The following GRID1 variants were observed in gnomAD, a reference collection of about 807,000 sequenced individuals.
GRID1 encodes the protein glutamate receptor ionotropic, delta-1.
GRID1 carries 28 observed loss-of-function variants against 98.0 expected under a neutral mutation model. The observed-to-expected ratio is 0.29, with a 90% CI of 0.21 to 0.39. The LOEUF is 0.39. Ranked by LOEUF, GRID1 falls within the 10% of genes least tolerant of loss-of-function variation. The pLI, the probability that GRID1 is intolerant of heterozygous loss-of-function variation, is 1.00. For synonymous variants in GRID1, 553 were observed against 538.5 expected, an observed-to-expected ratio of 1.03 and a Z score of -0.37; for missense variants, 1,111 against 1,340.5, an observed-to-expected ratio of 0.83 and a Z score of 2.67.
At chr10:85,617,519 G>C (rs938726523) in intron 14 of GRID1, among the ~76,000 whole-genome samples, 2 of 152,036 alleles carry the variant, frequency 1.3e-5, no homozygotes, top group African/African-American at 4.8e-5. Context: ...ACTGCACCCA[G>C]CCCAACAGAA....
chr10:85,627,641 G>A (rs942185804), intron 13 of GRID1, among the ~76,000 whole-genome samples: 2 of 152,066 alleles, frequency 1.3e-5, no homozygotes, highest in African/African-American at 2.4e-5. Context: ...TACGGATATC[G>A]AGGCTCGGCC....
At chr10:85,627,780 C>T (rs1842928710) in intron 13 of GRID1, among the ~76,000 whole-genome samples, 1 of 152,164 alleles carries the variant, frequency 6.6e-6, no homozygotes, top group African/African-American at 2.4e-5. Context: ...GGGAAATTCC[C>T]GAAGGCAAAA....
At chr10:85,894,306 T>C (rs1302188811) in intron 5 of GRID1, among the ~76,000 whole-genome samples, 4 of 152,210 alleles carry the variant, frequency 2.6e-5, no homozygotes, top group African/African-American at 7.2e-5. Flanking sequence ...TCATATCATA[T>C]GCAAAAATTA....
chr10:86,337,749 C>T (rs1848246507), intron 2 of GRID1, among the ~76,000 whole-genome samples: 2 of 145,692 alleles, frequency 1.4e-5, no homozygotes, highest in Admixed American at 6.8e-5. Context: ...GCTCTATCCC[C>T]CAGGCTGGAG....
intron 12 of GRID1, chr10:85,650,183 G>T (rs1199666610): frequency 6.6e-6 from 1 of 152,188 alleles, no homozygotes; most frequent in East Asian, 1.9e-4. Context: ...AGGAGAATGG[G>T]GACAGCCAGG....
chr10:86,113,269 G>A (rs533075600), intron 4 of GRID1, among the ~76,000 whole-genome samples: 6 of 152,162 alleles, frequency 3.9e-5, no homozygotes, highest in African/African-American at 1.4e-4. Context: ...ATAACCCCAG[G>A]TGGCATTCTC....
chr10:85,707,597 C>G (rs1267107753), intron 12 of GRID1, among the ~76,000 whole-genome samples: 1 of 152,144 alleles, frequency 6.6e-6, no homozygotes, highest in African/African-American at 2.4e-5. Flanking sequence ...ATTTGACCCA[C>G]CTATCCCATT....
intron 8 of GRID1, among the ~76,000 whole-genome samples, chr10:85,837,911 A>G (rs1291797640): frequency 6.6e-6 from 1 of 152,234 alleles, no homozygotes; most frequent in Admixed American, 6.5e-5. Context: ...GAAGGTAAAA[A>G]TCATGATAAT....
intron 8 of GRID1, among the ~76,000 whole-genome samples, chr10:85,782,257 C>G (rs1333619223): frequency 1.3e-5 from 2 of 150,274 alleles, no homozygotes; most frequent in Non-Finnish European, 2.9e-5. Context: ...CGCACTTACA[C>G]AGTAATCAGA....
chr10:86,288,112 G>A (rs931148800), intron 2 of GRID1, among the ~76,000 whole-genome samples: 5 of 152,168 alleles, frequency 3.3e-5, no homozygotes, highest in Non-Finnish European at 7.3e-5. Context: ...CTGAGTCTAT[G>A]GGCACAAAGT....
At chr10:86,209,768 G>C (rs191960492) in intron 2 of GRID1, among the ~76,000 whole-genome samples, 2 of 152,070 alleles carry the variant, frequency 1.3e-5, no homozygotes, top group Non-Finnish European at 2.9e-5. Flanking sequence ...GGACTCCCAC[G>C]GAGAGTCCTC....
At chr10:86,349,047 G>A (rs1848428296) in intron 2 of GRID1, among the ~76,000 whole-genome samples, 1 of 152,226 alleles carries the variant, frequency 6.6e-6, no homozygotes, top group South Asian at 2.1e-4. Context: ...GACAGGCAAT[G>A]GTCAGCAGCT....
chr10:86,292,430 C>T (rs1207310197), intron 2 of GRID1, among the ~76,000 whole-genome samples: 1 of 152,260 alleles, frequency 6.6e-6, no homozygotes, highest in Non-Finnish European at 1.5e-5. Context: ...GAAGCATCAC[C>T]ATGCCGGGAA....
chr10:85,985,583 A>T (rs1250912192), intron 4 of GRID1, among the ~76,000 whole-genome samples: 1,643 of 152,286 alleles, frequency 0.011, no homozygotes, highest in African/African-American at 0.038. Flanking sequence ...ATGCAGCAAG[A>T]ACCTACATCT....
chr10:85,782,905 C>T (rs1842393497), intron 8 of GRID1, among the ~76,000 whole-genome samples: 1 of 152,138 alleles, frequency 6.6e-6, no homozygotes, highest in Non-Finnish European at 1.5e-5. Flanking sequence ...ATAAAAGACA[C>T]ACATTGACAT....
intron 12 of GRID1, among the ~76,000 whole-genome samples, chr10:85,679,416 G>T (rs542192469): frequency 1.3e-5 from 2 of 152,324 alleles, no homozygotes; most frequent in East Asian, 3.9e-4. Context: ...GACTTTGAAG[G>T]CTCTGAGTTT....
intron 2 of GRID1, among the ~76,000 whole-genome samples, chr10:86,226,775 G>C (rs887929742): frequency 6.6e-6 from 1 of 150,720 alleles, no homozygotes; most frequent in Non-Finnish European, 1.5e-5. Context: ...TCCCAGCAGA[G>C]AGGCAGCCAG....
intron 2 of GRID1, among the ~76,000 whole-genome samples, chr10:86,234,792 C>T (rs1846510203): frequency 7.0e-6 from 1 of 142,780 alleles, no homozygotes; most frequent in Non-Finnish European, 1.6e-5. Flanking sequence ...GTCCATCCAG[C>T]TCTGGGCCCA....
chr10:86,071,483 A>G (rs1843803901), intron 4 of GRID1, among the ~76,000 whole-genome samples: 1 of 152,248 alleles, frequency 6.6e-6, no homozygotes, highest in Non-Finnish European at 1.5e-5. Flanking sequence ...ATAGCGTGAG[A>G]TGCTCAGCAA....
Sources: allele counts gnomAD v4.1 joint callset (sites outside exome capture counted in the v4.1 genomes callset), GRCh38; gene constraint gnomAD v4.1.1; transcripts MANE v1.5; gene names NCBI Gene and HGNC (gene_info 2026-07-23, HGNC 2026-07-21).